The following TBL1X variants were observed in gnomAD, a reference collection of about 807,000 sequenced individuals.
The protein encoded by TBL1X is transducin beta like 1 X-linked, also known as F-box-like/WD repeat-containing protein TBL1X.
TBL1X carries 10 observed loss-of-function variants against 50.7 expected under a neutral mutation model. The observed-to-expected ratio is 0.20, with a 90% CI of 0.12 to 0.33. The LOEUF is 0.33. Ranked by LOEUF, TBL1X falls within the 10% of genes least tolerant of loss-of-function variation. The pLI is 1.00. For synonymous variants in TBL1X, 190 were observed against 214.7 expected (o/e 0.88, Z 1.01); for missense variants, 340 against 504.4 (o/e 0.67, Z 3.12).
In TBL1X at chrX:9,661,261, A is replaced by T. The variant is rs887926783; in HGVS notation, c.211+6939A>T. On this transcript the variant is annotated intron_variant, in intron 5 of 17. Coordinates refer to ENST00000645353, the MANE Select transcript of TBL1X (RefSeq NM_005647.4). ...GCCAAGAAAATCATTAATAAGAAAGATTTCTACCCAGTGTGGAGGCCCACG... is the reference window on the plus strand; with the variant it reads ...GCCAAGAAAATCATTAATAAGAAAGTTTTCTACCCAGTGTGGAGGCCCACG... Among the ~76,000 whole-genome samples the T allele has an allele frequency of 4.4e-5, 5 of 112,364 alleles. No individual in the cohort carries two copies. In the Admixed American group the frequency reaches 4.7e-4, roughly 11 times the overall value.
intron 2 of TBL1X, among the ~76,000 whole-genome samples, chrX:9,626,507 G>A (rs1434739095): frequency 2.7e-5 from 3 of 112,115 alleles, no homozygotes; most frequent in Non-Finnish European, 5.6e-5. Context: ...ACAGAGGTCA[G>A]TAGTACCTGC....
intron 2 of TBL1X, among the ~76,000 whole-genome samples, chrX:9,619,766 A>ACCGGAGTGCCGCCCTCTAGCTGCGAG (rs1183743559): frequency 9.0e-6 from 1 of 111,156 alleles, no homozygotes; most frequent in Non-Finnish European, 1.9e-5. Context: ...GGAGGTGCGG[A>ACCGGAGTGCCGCCCTCTAGCTGCGAG]CCGGAGTGCC....
chrX:9,520,151 C>T (rs888680673), intron 2 of TBL1X, among the ~76,000 whole-genome samples: 1 of 112,054 alleles, frequency 8.9e-6, no homozygotes, highest in Non-Finnish European at 1.9e-5. Context: ...AAATATTCCT[C>T]TCCCCGCACC....
At chrX:9,540,098 A>G (rs904750470) in intron 2 of TBL1X, among the ~76,000 whole-genome samples, 1 of 112,577 alleles carries the variant, frequency 8.9e-6, no homozygotes, top group African/African-American at 3.2e-5. Flanking sequence ...CATGGGCCCT[A>G]TCCACACTGG....
At chrX:9,692,614 G>A (rs1296376931) in intron 9 of TBL1X, among the ~76,000 whole-genome samples, 2 of 112,339 alleles carry the variant, frequency 1.8e-5, no homozygotes, top group African/African-American at 6.5e-5. Context: ...CACCATGTCG[G>A]CCAGGCTGCT....
chrX:9,518,248 C>G (rs1299814881), intron 2 of TBL1X, among the ~76,000 whole-genome samples: 1 of 112,305 alleles, frequency 8.9e-6, no homozygotes, highest in African/African-American at 3.2e-5. Flanking sequence ...AGGGGTGTTG[C>G]AACCATGGCA....
At chrX:9,516,924 T>C (rs191114824) in intron 2 of TBL1X, among the ~76,000 whole-genome samples, 9 of 111,960 alleles carry the variant, frequency 8.0e-5, no homozygotes, top group African/African-American at 2.9e-4. Flanking sequence ...AATTGCACAT[T>C]AAGTTAAAAA....
chrX:9,546,880 G>A (rs1222448145), intron 2 of TBL1X, among the ~76,000 whole-genome samples: 1 of 88,849 alleles, frequency 1.1e-5, no homozygotes, highest in Non-Finnish European at 2.1e-5. Flanking sequence ...GTGCAGTGGC[G>A]CGATCTCGGC....
At chrX:9,560,930 G>A (rs1265851913) in intron 2 of TBL1X, among the ~76,000 whole-genome samples, 1 of 111,637 alleles carries the variant, frequency 9.0e-6, no homozygotes, top group Non-Finnish European at 1.9e-5. Flanking sequence ...CATTCTTACC[G>A]AAGTGGCTGA....
chrX:9,664,869 T>C (rs1349430594), intron 5 of TBL1X, among the ~76,000 whole-genome samples: 1 of 111,394 alleles, frequency 9.0e-6, no homozygotes, highest in African/African-American at 3.3e-5. Context: ...CTGAATACTA[T>C]AGGATGTTCA....
At chrX:9,533,247 G>A (rs2082171309) in intron 2 of TBL1X, among the ~76,000 whole-genome samples, 1 of 111,520 alleles carries the variant, frequency 9.0e-6, no homozygotes, top group Non-Finnish European at 1.9e-5. Context: ...ATAGACGAGC[G>A]CGAACTCCTA....
chrX:9,672,069 A>C (rs2082963410), intron 5 of TBL1X, among the ~76,000 whole-genome samples: 1 of 112,604 alleles, frequency 8.9e-6, no homozygotes, highest in Non-Finnish European at 1.9e-5. Context: ...AGTATTTATA[A>C]ATTACAGTTG....
intron 3 of TBL1X, among the ~76,000 whole-genome samples, chrX:9,649,304 A>G (rs1173773035): frequency 8.9e-6 from 1 of 112,605 alleles, no homozygotes; most frequent in Non-Finnish European, 1.9e-5. Flanking sequence ...GTTTGATCCA[A>G]ATATTAAATC....
At chrX:9,690,270 G>A (rs1243249991) in intron 7 of TBL1X, among the ~76,000 whole-genome samples, 1 of 112,171 alleles carries the variant, frequency 8.9e-6, no homozygotes, top group Non-Finnish European at 1.9e-5. Flanking sequence ...GTCAGCTCAG[G>A]CTGCCGTAAC....
At chrX:9,711,992 C>T (rs968605121) in intron 16 of TBL1X, among the ~76,000 whole-genome samples, 6 of 112,251 alleles carry the variant, frequency 5.3e-5, no homozygotes, top group Non-Finnish European at 9.4e-5. Context: ...TGAGGAAGGG[C>T]GTCGTGTCCA....
chrX:9,523,960 CTTTTTTTTTTTTTTTT>C (rs63038662), intron 2 of TBL1X, among the ~76,000 whole-genome samples: 1 of 40,790 alleles, frequency 2.5e-5, no homozygotes, highest in Non-Finnish European at 4.4e-5. Flanking sequence ...TCATTTTAAC[CTTTTTTTTTTTTTTTT>C]TTTTTTTTTT....
chrX:9,538,266 T>C (rs1449111070), intron 2 of TBL1X, among the ~76,000 whole-genome samples: 1 of 111,534 alleles, frequency 9.0e-6, no homozygotes. Flanking sequence ...ACCATGCTGC[T>C]CCCCATTTTA....
At chrX:9,570,049 G>T (rs779680313) in intron 2 of TBL1X, among the ~76,000 whole-genome samples, 1 of 111,907 alleles carries the variant, frequency 8.9e-6, no homozygotes, top group East Asian at 2.8e-4. Context: ...TTTCACAGGC[G>T]CCTTCCAAAC....
At chrX:9,607,831 G>C (rs1172079407) in intron 2 of TBL1X, among the ~76,000 whole-genome samples, 1 of 107,473 alleles carries the variant, frequency 9.3e-6, no homozygotes, top group Non-Finnish European at 1.9e-5. Flanking sequence ...TTATTTATTT[G>C]AGATGAAGTC....
Sources: gnomAD v4.1 joint callset for allele counts (sites outside exome capture counted in the v4.1 genomes callset) on GRCh38, gnomAD v4.1.1 for gene constraint, MANE v1.5 for transcripts, NCBI Gene and HGNC (gene_info 2026-07-23, HGNC 2026-07-21) for gene names.